GDA: variants seen among roughly 807,000 people sequenced by gnomAD.
The protein encoded by GDA is cytoplasmic PSD-95 interactor.
In GDA, 18 loss-of-function variants were observed where a neutral mutation model predicts 59.6. The observed-to-expected ratio is 0.30, with a 90% CI of 0.21 to 0.45. GDA has a LOEUF of 0.45. GDA is among the 20% of genes least tolerant of loss of function. GDA has a pLI of 1.00. For synonymous variants in GDA, 201 were observed against 201.1 expected, an observed-to-expected ratio of 1.00 and a Z score of 0.00; for missense variants, 427 against 552.3, an observed-to-expected ratio of 0.77 and a Z score of 2.27.
At chr9:72,259,275 G>A (rs149770084), downstream of GDA, among the ~76,000 whole-genome samples, 13 of 152,016 alleles carry the variant, frequency 8.6e-5, no homozygotes, top group East Asian at 1.4e-3. Flanking sequence ...CTCCCACCTC[G>A]GCCTCCCAAA....
chr9:72,167,581 T>G (rs1411564603), intron 1 of GDA, among the ~76,000 whole-genome samples: 2 of 152,256 alleles, frequency 1.3e-5, no homozygotes, highest in East Asian at 1.9e-4. Flanking sequence ...CCACCACTGG[T>G]TTTTCTGCGC....
chr9:72,144,055 C>G (rs1826536277), intron 1 of GDA, among the ~76,000 whole-genome samples: 1 of 152,140 alleles, frequency 6.6e-6, no homozygotes, highest in East Asian at 1.9e-4. Context: ...AACCCCATCT[C>G]TACTAAAAAC....
At chr9:72,231,538 G>T (rs946485039) in intron 10 of GDA, among the ~76,000 whole-genome samples, 2 of 151,428 alleles carry the variant, frequency 1.3e-5, no homozygotes, top group Non-Finnish European at 2.9e-5. Flanking sequence ...GCACTTCAGC[G>T]TGGGTGACAG....
chr9:72,122,521 C>T (rs9314794), intron 1 of GDA, among the ~76,000 whole-genome samples: 112,370 of 151,748 alleles, frequency 0.74, 41,904 homozygotes, highest in Middle Eastern at 0.8. Flanking sequence ...CTTTATGGAA[C>T]GGAGAGTTAA....
chr9:72,124,797 A>C (rs895265031), intron 1 of GDA, among the ~76,000 whole-genome samples: 1 of 152,046 alleles, frequency 6.6e-6, no homozygotes, highest in Admixed American at 6.6e-5. Context: ...TTTAGTAGAG[A>C]TGGGGTTTCA....
chr9:72,161,750 C>T (rs1160130650), intron 1 of GDA, among the ~76,000 whole-genome samples: 1 of 152,100 alleles, frequency 6.6e-6, no homozygotes, highest in Non-Finnish European at 1.5e-5. Context: ...CATGGTAGAC[C>T]CTCCATAAGC....
chr9:72,155,593 G>A (rs1827798343), intron 1 of GDA, among the ~76,000 whole-genome samples: 1 of 152,224 alleles, frequency 6.6e-6, no homozygotes, highest in African/African-American at 2.4e-5. Context: ...ACAGGATAAG[G>A]CAGGACAGGT....
intron 7 of GDA, among the ~76,000 whole-genome samples, chr9:72,225,428 C>T (rs1464888704): frequency 6.6e-6 from 1 of 151,984 alleles, no homozygotes. Flanking sequence ...CATACACATA[C>T]ACACCCACAC....
chr9:72,195,677 A>C, intron 2 of GDA, 89 bp downstream of exon 2: 3 of 448,054 alleles, frequency 6.7e-6, no homozygotes, highest in Non-Finnish European at 1.2e-5. Context: ...AGACTTTAAA[A>C]AATAATATTA....
At chr9:72,224,476 A>G (rs1421360517) in intron 7 of GDA, among the ~76,000 whole-genome samples, 1 of 152,188 alleles carries the variant, frequency 6.6e-6, no homozygotes, top group Non-Finnish European at 1.5e-5. Context: ...ATGCCCTCTT[A>G]GATTTTGTGG....
intron 3 of GDA, among the ~76,000 whole-genome samples, chr9:72,207,445 C>T (rs1834857569): frequency 6.6e-6 from 1 of 152,216 alleles, no homozygotes; most frequent in South Asian, 2.1e-4. Context: ...CAAGATATGA[C>T]ATCCTGTCCT....
chr9:72,182,454 G>A (rs1377531778), intron 1 of GDA, among the ~76,000 whole-genome samples: 1 of 152,112 alleles, frequency 6.6e-6, no homozygotes, highest in Non-Finnish European at 1.5e-5. Flanking sequence ...TTAGATTCAG[G>A]TCGTGCATTT....
At chr9:72,191,798 G>A (rs917982591) in intron 1 of GDA, among the ~76,000 whole-genome samples, 2 of 152,096 alleles carry the variant, frequency 1.3e-5, no homozygotes. Flanking sequence ...ATGTTGACCA[G>A]GCTGGCCTTG....
intron 1 of GDA, among the ~76,000 whole-genome samples, chr9:72,180,296 G>A (rs889111174): frequency 6.6e-6 from 1 of 152,144 alleles, no homozygotes; most frequent in Non-Finnish European, 1.5e-5. Context: ...GGCAGAGGTT[G>A]CAGTGAGACA....
chr9:72,141,375 A>T lies in GDA; in HGVS notation c.-100+26542A>T, dbSNP rs73647199. Among the ~76,000 whole-genome samples the T allele has an allele frequency of 7.0e-3, 1,069 of 152,324 alleles. 12 individuals are homozygous for T. Among genetic ancestry groups the T allele is most frequent in the African/African-American group, 0.024 (997 of 41,572 alleles). On this transcript the variant is annotated intron_variant, in intron 1 of 13. Coordinates refer to the GDA transcript ENST00000545168. ...TCCCTTTAGAAATATACACAAAGGA[A>T]GGAAGTTTTGACACTCATTTATAGT...
At chr9:72,119,923 AAG>A in intron 1 of GDA, among the ~76,000 whole-genome samples, 1 of 152,310 alleles carries the variant, frequency 6.6e-6, no homozygotes. Context: ...GATTATTAAA[AAG>A]AGTCACATTT....
In GDA at chr9:72,248,281, G is replaced by A. The variant is rs932604407; in HGVS notation, c.1304G>A (p.Arg435Gln). The change falls in exon 14 of 14, where the codon CGA (arginine) becomes CAA (glutamine). Residue 435 changes from arginine (R) to glutamine (Q), a missense_variant. Physicochemically the swap from Arg to Gln is conservative, Grantham distance 43. Coordinates refer to ENST00000358399, the MANE Select transcript of GDA (RefSeq NM_004293.5). ...TTGATTTTTCTTTCAGGAGATGATC[G>A]AAATATTGAAGAGGTTTATGTGGGC... ...IQKFLYLGDD[R>Q]NIEEVYVGGK... 2 of 1,610,004 alleles carry A rather than the reference G, an allele frequency of 1.2e-6. No homozygotes were observed. Among genetic ancestry groups the A allele is most frequent in the Non-Finnish European group, 1.7e-6 (2 of 1,176,304 alleles).
At chr9:72,142,824 A>G (rs1272715155) in intron 1 of GDA, among the ~76,000 whole-genome samples, 1 of 151,912 alleles carries the variant, frequency 6.6e-6, no homozygotes, top group African/African-American at 2.4e-5. Flanking sequence ...GCTGGAGTGC[A>G]ATGGCGCGAT....
intron 3 of GDA, 27 bp from the exon 4 acceptor site, chr9:72,210,660 T>G: frequency 7.7e-7 from 1 of 1,294,740 alleles, no homozygotes; most frequent in East Asian, 2.3e-5. Context: ...GCACACGTGA[T>G]TCGCGGTTTT....
Sources: allele counts gnomAD v4.1 joint callset (sites outside exome capture counted in the v4.1 genomes callset), GRCh38; gene constraint gnomAD v4.1.1; transcripts MANE v1.5; gene names NCBI Gene and HGNC (gene_info 2026-07-23, HGNC 2026-07-21).